RICTOR: variants seen among roughly 807,000 people sequenced by gnomAD.
RICTOR encodes rapamycin-insensitive companion of mTOR.
RICTOR carries 49 observed loss-of-function variants against 214.9 expected under a neutral mutation model. The observed-to-expected ratio is 0.23, with a 90% CI of 0.18 to 0.29. The LOEUF (loss-of-function observed/expected upper bound fraction) is 0.29. Ranked by LOEUF, RICTOR falls within the 10% of genes least tolerant of loss-of-function variation. RICTOR has a pLI of 1.00. For synonymous variants in RICTOR, 717 were observed against 711.3 expected (o/e 1.01, Z -0.13); for missense variants, 1,625 against 2,047.0 (o/e 0.79, Z 3.98).
rs1346131055 is a variant in RICTOR, at chr5:38,942,167, G to A, written c.*137C>T. On this transcript the variant is annotated 3_prime_UTR_variant, in exon 38 of 38. Coordinates refer to ENST00000357387, the MANE Select transcript of RICTOR (RefSeq NM_152756.5). Reference sequence around the variant, plus strand: ...AAAGTCAGCAGTTCCAACTGTTCATGTACCAGTAACTGCGGAACAGTGTAC... The same window carrying A: ...AAAGTCAGCAGTTCCAACTGTTCATATACCAGTAACTGCGGAACAGTGTAC... The A allele has an allele frequency of 6.4e-6, 3 of 470,478 alleles. No homozygotes were observed. In the East Asian group the frequency reaches 1.0e-4, roughly 16 times the overall value. The allele number at this position is 470,478 out of a possible 1,614,324, so 29.1% of individuals were successfully genotyped here.
intron 2 of RICTOR, among the ~76,000 whole-genome samples, chr5:39,038,476 C>A (rs943563552): frequency 1.3e-5 from 2 of 152,098 alleles, no homozygotes; most frequent in Non-Finnish European, 2.9e-5. Flanking sequence ...CCAGGGCAAT[C>A]AGGCAGGAGA....
chr5:38,993,412 A>T (rs903134356), intron 6 of RICTOR, among the ~76,000 whole-genome samples: 1 of 152,124 alleles, frequency 6.6e-6, no homozygotes, highest in Non-Finnish European at 1.5e-5. Flanking sequence ...AAATTACATT[A>T]AAAATGAGGG....
At chr5:39,021,011 G>A in intron 3 of RICTOR, 28 bp downstream of exon 3, 1 of 1,059,122 alleles carries the variant, frequency 9.4e-7, no homozygotes, top group Non-Finnish European at 1.5e-6. Context: ...AAGAATTTTA[G>A]ACAATAATAA....
intron 3 of RICTOR, among the ~76,000 whole-genome samples, chr5:39,016,443 A>G (rs1754955326): frequency 6.6e-6 from 1 of 151,852 alleles, no homozygotes; most frequent in Admixed American, 6.6e-5. Context: ...AAGGGATGAG[A>G]AGGAGAAAGG....
chr5:39,018,181 C>T (rs757393801), intron 3 of RICTOR, among the ~76,000 whole-genome samples: 41 of 152,030 alleles, frequency 2.7e-4, no homozygotes, highest in Non-Finnish European at 5.6e-4. Flanking sequence ...CCAATCCACT[C>T]ATCAAACTCA....
chr5:39,073,639 C>G (rs1265730431), intron 2 of RICTOR, among the ~76,000 whole-genome samples: 1 of 152,200 alleles, frequency 6.6e-6, no homozygotes, highest in Admixed American at 6.5e-5. Context: ...AAAGCAGTCA[C>G]GCAGTCGGCA....
intron 2 of RICTOR, among the ~76,000 whole-genome samples, chr5:39,027,260 T>C (rs909370176): frequency 6.6e-6 from 1 of 152,152 alleles, no homozygotes; most frequent in Admixed American, 6.5e-5. Context: ...ATTAGGAAAG[T>C]ATATACTTCA....
rs1747330290 is a variant in RICTOR at position 38,939,721 on chromosome 5, C to T, written c.*2583G>A. 4.4e-6 allele frequency: 1 copy of T among 229,212 alleles called. No individual in the cohort carries two copies. The highest frequency in any genetic ancestry group is 8.6e-6 in the Non-Finnish European group (1 of 115,712). 14.2% of individuals were successfully genotyped at this position (229,212 alleles called of 1,614,324 possible). ...TACCAATAGTACAAATTTATATGGA[C>T]TAAGATTAATCCTAAAATCTTTAAA... On this transcript the variant is annotated 3_prime_UTR_variant, in exon 38 of 38. Coordinates refer to ENST00000357387, the MANE Select transcript of RICTOR (RefSeq NM_152756.5).
At chr5:39,041,374 GTTAAC>G (rs370427951) in intron 2 of RICTOR, among the ~76,000 whole-genome samples, 123 of 152,250 alleles carry the variant, frequency 8.1e-4, no homozygotes, top group South Asian at 2.3e-3. Context: ...TCTAAGATAA[GTTAAC>G]TTAACTTAGA....
At chr5:39,070,382 T>C (rs888899121) in intron 2 of RICTOR, among the ~76,000 whole-genome samples, 7 of 151,790 alleles carry the variant, frequency 4.6e-5, no homozygotes, top group African/African-American at 1.7e-4. Context: ...GGCAGGAGAA[T>C]GGCGTGAACC....
chr5:38,960,659 G>A, intron 19 of RICTOR, 126 bp from the exon 20 acceptor site: 1 of 912,176 alleles, frequency 1.1e-6, no homozygotes, highest in Middle Eastern at 2.4e-4. Context: ...GGGATAAATG[G>A]CAAGAAATGT....
chr5:39,026,270 G>A (rs553998553), intron 2 of RICTOR, among the ~76,000 whole-genome samples: 9 of 152,254 alleles, frequency 5.9e-5, no homozygotes, highest in Admixed American at 5.2e-4. Context: ...TTGAGCCCAG[G>A]AGGTTAAGGC....
chr5:38,938,083 A>C lies in RICTOR; in HGVS notation c.*4221T>G, dbSNP rs931056944. Reference sequence around the variant, plus strand: ...GCAAAACCATTTGGGGACAAATCTTATTTAAATTATACACAACTCAATGAA... The same window carrying C: ...GCAAAACCATTTGGGGACAAATCTTCTTTAAATTATACACAACTCAATGAA... On this transcript the variant is annotated 3_prime_UTR_variant, in exon 38 of 38. Transcript: ENST00000357387. 4.8e-6 allele frequency: 1 copy of C among 206,674 alleles called. No homozygotes were observed. Among genetic ancestry groups the C allele is most frequent in the Non-Finnish European group, 9.9e-6 (1 of 101,170 alleles). 12.8% of individuals were successfully genotyped at this position (206,674 alleles called of 1,614,324 possible). A position where few individuals can be genotyped will look rare whatever the true frequency, so the allele number is the denominator to read the frequency against.
chr5:39,011,420 G>A (rs1418030621), intron 3 of RICTOR, among the ~76,000 whole-genome samples: 1 of 152,170 alleles, frequency 6.6e-6, no homozygotes, highest in Non-Finnish European at 1.5e-5. Context: ...TGTGGGGTTG[G>A]AGCCCCCACA....
At chr5:38,996,362 C>T (rs1343613737) in intron 6 of RICTOR, among the ~76,000 whole-genome samples, 1 of 152,150 alleles carries the variant, frequency 6.6e-6, no homozygotes, top group Non-Finnish European at 1.5e-5. Flanking sequence ...TTATCCTGTA[C>T]AAGGGCCTGA....
rs1484227122 is a variant in RICTOR at position 38,952,403 on chromosome 5, G to C, written c.2920C>G (p.Leu974Val). 20 of 1,610,848 alleles carry C rather than the reference G, an allele frequency of 1.2e-5. No individual in the cohort carries two copies. The highest frequency in any genetic ancestry group is 1.3e-5 in the Non-Finnish European group (15 of 1,177,668). ...IRGTCVYVLG[L>V]IAKTKQGCDI... ...CAGCCTTGTTTGGTTTTAGCTATGAGCCCAAGTACATATACACAGGTCCTG... is the reference window on the plus strand; with the variant it reads ...CAGCCTTGTTTGGTTTTAGCTATGACCCCAAGTACATATACACAGGTCCTG... Residue 974 changes from leucine to valine, a missense_variant, in exon 30 of 38, where the codon CTC becomes GTC. Transcript: ENST00000357387.
At chr5:39,063,254 A>G (rs1197802705) in intron 2 of RICTOR, among the ~76,000 whole-genome samples, 1 of 152,138 alleles carries the variant, frequency 6.6e-6, no homozygotes, top group African/African-American at 2.4e-5. Flanking sequence ...TTAGTATTTC[A>G]CAGTGTGCTC....
intron 2 of RICTOR, among the ~76,000 whole-genome samples, chr5:39,057,077 G>A (rs542447444): frequency 3.5e-4 from 53 of 152,156 alleles, no homozygotes; most frequent in Non-Finnish European, 7.5e-4. Flanking sequence ...TCAAATACAT[G>A]AGTGAATAAA....
chr5:38,962,919 C>T lies in RICTOR; in HGVS notation c.1523G>A (p.Arg508Gln), dbSNP rs1194062811. 4.3e-6 allele frequency: 7 copies of T among 1,612,694 alleles called. No homozygotes were observed. The highest frequency in any genetic ancestry group is 1.3e-5 in the African/African-American group (1 of 74,838). Residue 508 changes from arginine (R) to glutamine (Q), a missense_variant, in exon 17 of 38, where the codon CGG becomes CAG. Arg to Gln is a conservative substitution (Grantham distance 43). This residue lies in a region of RICTOR where 1,214 missense variants were observed against 1,470.5 expected (regional missense o/e 0.83). Transcript: ENST00000357387. ...IQKAIATHQKRDQYLRVQKDI... is the reference protein window; with the variant it reads ...IQKAIATHQKQDQYLRVQKDI... ...TTTCTGAACTCGGAGATACTGATCC[C>T]GTTTCTGGTGTGTTGCAATTGCTTT...
Sources: gnomAD v4.1 joint callset for allele counts (sites outside exome capture counted in the v4.1 genomes callset) on GRCh38, gnomAD v4.1.1 for gene constraint, gnomAD v4.1.1 regional missense constraint, MANE v1.5 for transcripts, NCBI Gene and HGNC (gene_info 2026-07-23, HGNC 2026-07-21) for gene names.